AKAP7: variants seen among roughly 807,000 people sequenced by gnomAD.
AKAP7 encodes A kinase (PRKA) anchor protein 7.
AKAP7 carries 39 observed loss-of-function variants against 39.5 expected under a neutral mutation model. The ratio of observed to expected loss-of-function variants is 0.99; its 90% CI spans 0.76 to 1.29. The LOEUF is 1.29. Ranked by LOEUF, AKAP7 falls within the 50% of genes most tolerant of loss-of-function variation. The pLI, the probability that AKAP7 is intolerant of heterozygous loss-of-function variation, is 0.00. For missense variants in AKAP7, 414 were observed against 407.7 expected (o/e 1.02, Z -0.13); for synonymous variants, 140 against 139.1 (o/e 1.01, Z -0.05).
intron 1 of AKAP7, 40 bp from the exon 2 acceptor site, chr6:131,145,245 G>A (rs748754798): frequency 7.7e-7 from 1 of 1,294,960 alleles, no homozygotes; most frequent in Non-Finnish European, 1.0e-6. Context: ...ATAATGACAA[G>A]TTAAATAATC....
chr6:131,185,174 C>T (rs1805707715), intron 5 of AKAP7: 1 of 518,866 alleles, frequency 1.9e-6, no homozygotes, highest in Non-Finnish European at 3.7e-6. Flanking sequence ...CCTCCTTCTT[C>T]AGGGTGGGGT....
At chr6:131,227,857 C>T (rs972527738) in intron 7 of AKAP7, among the ~76,000 whole-genome samples, 5 of 152,066 alleles carry the variant, frequency 3.3e-5, no homozygotes, top group African/African-American at 1.2e-4. Context: ...TTGAGAATCA[C>T]CCTTAAGACA....
rs767897425 is a variant in AKAP7 at position 131,231,135 on chromosome 6, A to G, written c.850+11327A>G. Among the ~76,000 whole-genome samples the G allele has an allele frequency of 1.8e-4, 28 of 152,296 alleles. 1 individual carries two copies. Among genetic ancestry groups the G allele is most frequent in the Admixed American group, 2.0e-4 (3 of 15,302 alleles). On this transcript the variant is annotated intron_variant, in intron 7 of 7. Transcript: ENST00000431975. Reference sequence around the variant, plus strand: ...AATTAATTTTGATGGCTATTAAGCTATCTCCATGTTAAATATGAATTGGTT... The same window carrying G: ...AATTAATTTTGATGGCTATTAAGCTGTCTCCATGTTAAATATGAATTGGTT...
At chr6:131,205,450 G>A (rs1808003245) in intron 6 of AKAP7, among the ~76,000 whole-genome samples, 1 of 152,048 alleles carries the variant, frequency 6.6e-6, no homozygotes, top group South Asian at 2.1e-4. Flanking sequence ...CTGGGCTTCC[G>A]GGGTCCTGTC....
chr6:131,218,006 T>C (rs1809341760), intron 6 of AKAP7, among the ~76,000 whole-genome samples: 1 of 152,172 alleles, frequency 6.6e-6, no homozygotes, highest in African/African-American at 2.4e-5. Context: ...CGAATGAAGT[T>C]ATTACATAAA....
intron 2 of AKAP7, among the ~76,000 whole-genome samples, chr6:131,149,260 A>T (rs1312590662): frequency 6.6e-6 from 1 of 152,268 alleles, no homozygotes; most frequent in African/African-American, 2.4e-5. Flanking sequence ...AGAAGATAAC[A>T]TGCATTAGAA....
chr6:131,170,220 C>T (rs368424564), intron 5 of AKAP7, among the ~76,000 whole-genome samples: 7 of 150,562 alleles, frequency 4.6e-5, no homozygotes, highest in East Asian at 1.9e-4. Context: ...GTGGGTGCAG[C>T]GCACCAGCAT....
intron 6 of AKAP7, among the ~76,000 whole-genome samples, chr6:131,213,785 A>C (rs1170029080): frequency 6.6e-6 from 1 of 152,218 alleles, no homozygotes; most frequent in Non-Finnish European, 1.5e-5. Context: ...GGACTTGAGA[A>C]GAAAGAATTG....
intron 7 of AKAP7, among the ~76,000 whole-genome samples, chr6:131,230,553 C>T (rs762157648): frequency 6.6e-5 from 10 of 152,208 alleles, no homozygotes; most frequent in Non-Finnish European, 1.5e-4. Context: ...TCTGTTTACT[C>T]TGTTGATAGT....
intron 3 of AKAP7, 60 bp downstream of exon 3, chr6:131,160,258 T>G: frequency 5.3e-6 from 8 of 1,521,928 alleles, no homozygotes; most frequent in Non-Finnish European, 7.2e-6. Context: ...AAAGTACAAC[T>G]AAATGCTTAT....
chr6:131,239,478 C>T lies in AKAP7; in HGVS notation c.850+19670C>T, dbSNP rs191878800. ...TGCCTTGCTAGATTGGGGAAGTTCT[C>T]CTGGATAATATCCTGCAGAGTGTTT... On this transcript the variant is annotated intron_variant, in intron 7 of 7. Transcript: ENST00000431975. Among the ~76,000 whole-genome samples the T allele has an allele frequency of 1.7e-3, 257 of 152,296 alleles. 2 individuals are homozygous for T. The highest frequency in any genetic ancestry group is 0.015 in the Admixed American group (235 of 15,294).
intron 6 of AKAP7, among the ~76,000 whole-genome samples, chr6:131,202,801 T>C (rs944739606): frequency 6.6e-6 from 1 of 152,226 alleles, no homozygotes; most frequent in Non-Finnish European, 1.5e-5. Context: ...AATTATGATA[T>C]TATCATTTTC....
At chr6:131,174,155 A>G (rs1269845221) in intron 5 of AKAP7, among the ~76,000 whole-genome samples, 1 of 152,230 alleles carries the variant, frequency 6.6e-6, no homozygotes, top group East Asian at 1.9e-4. Context: ...TTCCCCTCAT[A>G]CAATCACTGT....
At chr6:131,132,589 C>G (rs1800351925), upstream of AKAP7, among the ~76,000 whole-genome samples, 2 of 150,738 alleles carry the variant, frequency 1.3e-5, no homozygotes, top group Non-Finnish European at 3.0e-5. Flanking sequence ...CACACTGTTC[C>G]TGGACCACAA....
Position 131,178,973 on chromosome 6 carries a change from A to G in AKAP7, c.589+9700A>G, listed in dbSNP as rs147784848. The stretch of plus-strand genomic sequence containing the variant: ...TGGACTCAACAGAGTCTTTTCTGCC[A>G]TAGATCTTCTGAAAATGCCTGAGTG... On this transcript the variant is annotated intron_variant, in intron 5 of 7. Coordinates refer to ENST00000431975, the MANE Select transcript of AKAP7 (RefSeq NM_016377.4). 1.2e-4 allele frequency among the ~76,000 whole-genome samples: 19 copies of G among 152,168 alleles called. No individual in the cohort carries two copies. In the East Asian group the frequency reaches 3.3e-3, roughly 26 times the overall value.
At chr6:131,268,492 C>T (rs1392502692) in intron 7 of AKAP7, among the ~76,000 whole-genome samples, 1 of 152,154 alleles carries the variant, frequency 6.6e-6, no homozygotes, top group Non-Finnish European at 1.5e-5. Flanking sequence ...GTTCCTGTGA[C>T]TGCTGTTAGT....
At chr6:131,235,089 G>C (rs988728229) in intron 7 of AKAP7, among the ~76,000 whole-genome samples, 2 of 151,932 alleles carry the variant, frequency 1.3e-5, no homozygotes, top group African/African-American at 4.8e-5. Context: ...CCTGGTGTGT[G>C]ATGTTCCCCT....
chr6:131,205,005 A>G (rs1018523363), intron 6 of AKAP7, among the ~76,000 whole-genome samples: 5 of 152,200 alleles, frequency 3.3e-5, no homozygotes, highest in Non-Finnish European at 7.3e-5. Flanking sequence ...CACCTAAAGT[A>G]CTGGTGCTAC....
chr6:131,129,441 G>C, the AKAP7 span, among the ~76,000 whole-genome samples: 2 of 152,044 alleles, frequency 1.3e-5, no homozygotes, highest in African/African-American at 2.4e-5. Flanking sequence ...TATGCTGCAG[G>C]AGTATGTGTT....
Sources: allele counts gnomAD v4.1 joint callset (sites outside exome capture counted in the v4.1 genomes callset), GRCh38; gene constraint gnomAD v4.1.1; transcripts MANE v1.5; gene names NCBI Gene and HGNC (gene_info 2026-07-23, HGNC 2026-07-21).